Variants in PAIP2 observed in about 807,000 individuals in gnomAD.
PAIP2 encodes poly(A) binding protein interacting protein 2.
A neutral mutation model predicts 14.8 loss-of-function variants in PAIP2; 7 were observed. That is an observed-to-expected ratio of 0.47 (90% confidence interval 0.27 to 0.89). The LOEUF (loss-of-function observed/expected upper bound fraction) is 0.89. PAIP2 is among the 40% of genes least tolerant of loss of function. PAIP2 has a pLI of 0.13. For missense variants in PAIP2, 122 were observed against 154.7 expected, an observed-to-expected ratio of 0.79 and a Z score of 1.12; for synonymous variants, 47 against 45.3, an observed-to-expected ratio of 1.04 and a Z score of -0.15.
At chr5:139,356,889 GAAAA>G (rs70982774) in intron 1 of PAIP2, among the ~76,000 whole-genome samples, 67,738 of 112,264 alleles carry the variant, frequency 0.6, 19,422 homozygotes, top group Non-Finnish European at 0.71. Flanking sequence ...TCTGTCTCCA[GAAAA>G]AAAAAAAAAA....
chr5:139,352,509 T>TTTTTTTG (rs1206478520), intron 1 of PAIP2, among the ~76,000 whole-genome samples: 5 of 148,648 alleles, frequency 3.4e-5, no homozygotes, highest in East Asian at 2.0e-4. Context: ...GTTGTTTTTT[T>TTTTTTTG]TTTTTGAGAT....
chr5:139,364,911 G>C (rs1024446458), intron 3 of PAIP2, 168 bp downstream of exon 3: 2 of 481,546 alleles, frequency 4.2e-6, no homozygotes, highest in Non-Finnish European at 7.3e-6. Context: ...TTGGGAGGCC[G>C]AGGCAGGCAG....
intron 1 of PAIP2, among the ~76,000 whole-genome samples, chr5:139,344,861 G>A (rs980109254): frequency 4.6e-5 from 7 of 151,562 alleles, no homozygotes; most frequent in Non-Finnish European, 8.8e-5. Context: ...ACCTTTAACT[G>A]CCCTAAATAT....
rs186852331 is a variant in PAIP2, at chr5:139,369,471, A to G, written c.*673A>G. The G allele has an allele frequency of 7.5e-4, 107 of 142,624 alleles. 1 individual carries two copies. Among genetic ancestry groups the G allele is most frequent in the African/African-American group, 2.6e-3 (100 of 37,880 alleles). The allele number at this position is 142,624 out of a possible 1,614,324, so 8.8% of individuals were successfully genotyped here. Reference sequence around the variant, plus strand: ...TCTAACATATGACCAATACCAACCCATAATCCAGCTGAACAAAGATACTGT... The same window carrying G: ...TCTAACATATGACCAATACCAACCCGTAATCCAGCTGAACAAAGATACTGT... On this transcript the variant is annotated 3_prime_UTR_variant, in exon 4 of 4. Transcript: ENST00000265192.
chr5:139,354,576 G>A (rs1756850094), intron 1 of PAIP2, among the ~76,000 whole-genome samples: 2 of 152,028 alleles, frequency 1.3e-5, no homozygotes, highest in African/African-American at 4.8e-5. Flanking sequence ...GGAGTTTTAG[G>A]CTGTTATCTC....
intron 1 of PAIP2, among the ~76,000 whole-genome samples, chr5:139,358,222 A>T (rs1401884559): frequency 2.0e-5 from 3 of 152,220 alleles, no homozygotes; most frequent in Non-Finnish European, 4.4e-5. Flanking sequence ...AAGTTACTTA[A>T]GACTTAGTTC....
intron 1 of PAIP2, among the ~76,000 whole-genome samples, chr5:139,356,167 G>T (rs890575151): frequency 2.0e-5 from 3 of 151,450 alleles, no homozygotes; most frequent in African/African-American, 7.3e-5. Flanking sequence ...AATAAAGTCG[G>T]CTGGGCACGG....
At chr5:139,352,650 T>C (rs1756782019) in intron 1 of PAIP2, among the ~76,000 whole-genome samples, 3 of 151,660 alleles carry the variant, frequency 2.0e-5, no homozygotes, top group Admixed American at 1.3e-4. Flanking sequence ...TTTGTGTTTT[T>C]AGTAGAGACA....
chr5:139,350,026 T>A (rs1756679060), intron 1 of PAIP2, among the ~76,000 whole-genome samples: 1 of 151,388 alleles, frequency 6.6e-6, no homozygotes, highest in East Asian at 2.0e-4. Context: ...GAAATAAAAG[T>A]TAGCCAGGTG....
chr5:139,363,461 A>G (rs1757130678), intron 1 of PAIP2, among the ~76,000 whole-genome samples: 1 of 152,108 alleles, frequency 6.6e-6, no homozygotes, highest in Non-Finnish European at 1.5e-5. Context: ...TGGCTCATGC[A>G]TATAATCCCA....
chr5:139,357,904 T>C (rs966685221), intron 1 of PAIP2, among the ~76,000 whole-genome samples: 3 of 152,166 alleles, frequency 2.0e-5, no homozygotes, highest in Non-Finnish European at 4.4e-5. Flanking sequence ...CTTCAAGGCT[T>C]ACCAAGCTGC....
At chr5:139,347,259 A>T (rs1756579102) in intron 1 of PAIP2, among the ~76,000 whole-genome samples, 1 of 142,624 alleles carries the variant, frequency 7.0e-6, no homozygotes, top group South Asian at 2.2e-4. Flanking sequence ...GGAAATACTC[A>T]TGTTACAACT....
intron 1 of PAIP2, among the ~76,000 whole-genome samples, chr5:139,344,526 A>T (rs2152043186): frequency 6.6e-6 from 1 of 152,318 alleles, no homozygotes; most frequent in South Asian, 2.1e-4. Context: ...GTGTGTGGTT[A>T]TGAGCACTTG....
At chr5:139,345,848 C>T (rs1185439898) in intron 1 of PAIP2, among the ~76,000 whole-genome samples, 1 of 152,006 alleles carries the variant, frequency 6.6e-6, no homozygotes, top group African/African-American at 2.4e-5. Context: ...AGGATGGTCT[C>T]AATCTCCTGA....
In PAIP2 at chr5:139,363,926, A is replaced by G. The variant is rs1183591740; in HGVS notation, c.138+4A>G. ...TGAAGAAGAATTCAACAGACAAGTT[A>G]GTTTTTTGTACAAACATGTTTTTAT... On this transcript the variant is annotated splice_donor_region_variant and intron_variant, in intron 2 of 3. Transcript: ENST00000265192. The G allele has an allele frequency of 6.2e-7, 1 of 1,612,874 alleles. No homozygotes were observed. The highest frequency in any genetic ancestry group is 1.1e-5 in the South Asian group (1 of 90,940).
At chr5:139,359,555 G>A (rs551352225) in intron 1 of PAIP2, among the ~76,000 whole-genome samples, 22 of 152,282 alleles carry the variant, frequency 1.4e-4, no homozygotes, top group Non-Finnish European at 3.1e-4. Flanking sequence ...TTCAGATGCA[G>A]ATTAACCAAA....
chr5:139,353,451 A>G (rs889643989), intron 1 of PAIP2, among the ~76,000 whole-genome samples: 1 of 152,070 alleles, frequency 6.6e-6, no homozygotes, highest in African/African-American at 2.4e-5. Flanking sequence ...TGTTGTACAC[A>G]TTTTTACTGT....
intron 3 of PAIP2, among the ~76,000 whole-genome samples, chr5:139,367,839 T>A (rs970328255): frequency 6.6e-6 from 1 of 152,230 alleles, no homozygotes. Flanking sequence ...CTTTAACTTA[T>A]GTGAAGTTAC....
chr5:139,346,958 C>T (rs1344596446), intron 1 of PAIP2, among the ~76,000 whole-genome samples: 3 of 152,138 alleles, frequency 2.0e-5, no homozygotes, highest in East Asian at 3.9e-4. Flanking sequence ...TACAGCTGTG[C>T]GCCACCATGC....
Sources: allele counts gnomAD v4.1 joint callset (sites outside exome capture counted in the v4.1 genomes callset), GRCh38; gene constraint gnomAD v4.1.1; transcripts MANE v1.5; gene names NCBI Gene and HGNC (gene_info 2026-07-23, HGNC 2026-07-21).